Variants in CYP4A22 observed in about 807,000 individuals in gnomAD.
The protein encoded by CYP4A22 is cytochrome P450 4A22.
A neutral mutation model predicts 56.2 loss-of-function variants in CYP4A22; 46 were observed. That is an observed-to-expected ratio of 0.82 (90% CI 0.65 to 1.05). The LOEUF (loss-of-function observed/expected upper bound fraction) is 1.05. CYP4A22 is among the 50% of genes least tolerant of loss of function. The pLI is 0.00. For synonymous variants in CYP4A22, 193 were observed against 251.1 expected, an observed-to-expected ratio of 0.77 and a Z score of 2.19; for missense variants, 541 against 645.9, an observed-to-expected ratio of 0.84 and a Z score of 1.76.
Position 47,146,352 on chromosome 1 carries a change from A to T in CYP4A22, c.1364+199A>T, listed in dbSNP as rs1036645901. The T allele has an allele frequency of 2.8e-4, 401 of 1,445,364 alleles. 2 individuals are homozygous for T. Among genetic ancestry groups the T allele is most frequent in the Non-Finnish European group, 2.7e-4 (297 of 1,100,360 alleles). The allele number at this position is 1,445,364 out of a possible 1,614,324, so 89.5% of individuals were successfully genotyped here. A position where few individuals can be genotyped will look rare whatever the true frequency, so the allele number is the denominator to read the frequency against. On this transcript the variant is annotated intron_variant, in intron 11 of 11. Coordinates refer to ENST00000371891, the MANE Select transcript of CYP4A22 (RefSeq NM_001010969.4). ...GTGGCATTCAGAGCACCCCATGGAG[A>T]CTTTGCTCCCTCTGCTTCTTCAAAT...
At chr1:47,144,506 C>T in intron 7 of CYP4A22, 43 bp downstream of exon 7, 2 of 1,613,942 alleles carry the variant, frequency 1.2e-6, no homozygotes, top group African/African-American at 2.7e-5. Flanking sequence ...CCCAGAAGTA[C>T]ATAGCAAGAG....
rs1342478609 is a variant in CYP4A22 at position 47,146,879 on chromosome 1, C to A, written c.1364+726C>A. ...TGTAATCCACTTAGCACAATATTGG[C>A]CAAAAACATAAAAATGTGAACAGTA... On this transcript the variant is annotated intron_variant, in intron 11 of 11. Transcript: ENST00000371891. 3.0e-6 allele frequency: 3 copies of A among 985,304 alleles called. No homozygotes were observed. The African/African-American group carries it at 5.2e-5, about 17-fold the overall frequency. 61.0% of individuals were successfully genotyped at this position (985,304 alleles called of 1,614,324 possible). A position where few individuals can be genotyped will look rare whatever the true frequency, so the allele number is the denominator to read the frequency against.
chr1:47,145,773 T>C, intron 9 of CYP4A22, 93 bp from the exon 10 acceptor site: 1 of 1,533,958 alleles, frequency 6.5e-7, no homozygotes. Flanking sequence ...AGAAAGTAGG[T>C]GTTTTGGGCC....
chr1:47,147,100 C>A (rs1645084319), intron 11 of CYP4A22: 8 of 985,424 alleles, frequency 8.1e-6, no homozygotes, highest in Non-Finnish European at 9.6e-6. Flanking sequence ...GATAAAAATT[C>A]TTAGTAGAAA....
chr1:47,147,546 G>C (rs1645089429), intron 11 of CYP4A22: 2 of 674,394 alleles, frequency 3.0e-6, no homozygotes, highest in Admixed American at 1.3e-4. Flanking sequence ...CACTCACTGA[G>C]TGGCTTGTTG....
Position 47,148,861 on chromosome 1 carries a change from T to C in CYP4A22, c.*64T>C. On this transcript the variant is annotated 3_prime_UTR_variant, in exon 12 of 12. Coordinates refer to ENST00000371891, the MANE Select transcript of CYP4A22 (RefSeq NM_001010969.4). ...CCTATCTCCTGCCTGTCTGCCTCTG[T>C]CCTGCTTTCTGTCTGCCCACCTTCC... 6.6e-7 allele frequency: 1 copy of C among 1,519,484 alleles called. No homozygotes were observed. The allele number at this position is 1,519,484 out of a possible 1,614,324, so 94.1% of individuals were successfully genotyped here. A position where few individuals can be genotyped will look rare whatever the true frequency, so the allele number is the denominator to read the frequency against.
rs536116490 is a variant in CYP4A22 at position 47,143,887 on chromosome 1, G to A, written c.761G>A (p.Arg254His). 29 of 1,612,874 alleles carry A rather than the reference G, an allele frequency of 1.8e-5. No individual in the cohort carries two copies. Among genetic ancestry groups the A allele is most frequent in the East Asian group, 1.6e-4 (7 of 44,866 alleles). ...ACCTCTGCTGGCCGCTGGACACACC[G>A]CGCCTGCCAGCTGGCCCATCAGCAC... is the stretch of plus-strand genomic sequence containing the variant. Reference protein sequence around the residue: ...SLTSAGRWTHRACQLAHQHTD... With the variant: ...SLTSAGRWTHHACQLAHQHTD... The change falls in exon 6 of 12, where the codon CGC (arginine) becomes CAC (histidine). Residue 254 changes from arginine (R) to histidine (H), a missense_variant. Physicochemically the swap from Arg to His is conservative, Grantham distance 29 (BLOSUM62 0). Coordinates refer to ENST00000371891, the MANE Select transcript of CYP4A22 (RefSeq NM_001010969.4).
chr1:47,146,602 T>A (rs545479634), intron 11 of CYP4A22: 9 of 1,018,286 alleles, frequency 8.8e-6, no homozygotes, highest in Non-Finnish European at 1.1e-5. Flanking sequence ...TAGTCTGTCG[T>A]AGAGATGAAT....
At chr1:47,148,559 G>T (rs757790225) in intron 11 of CYP4A22, 43 bp from the exon 12 acceptor site, 1 of 1,567,342 alleles carries the variant, frequency 6.4e-7, no homozygotes, top group African/African-American at 1.4e-5. Flanking sequence ...ATCAGAATGG[G>T]GCCTGAGGAC....
rs1645037832 is a variant in CYP4A22, at chr1:47,143,548, C to G, written c.635+155C>G. On this transcript the variant is annotated intron_variant, in intron 5 of 11. Coordinates refer to ENST00000371891, the MANE Select transcript of CYP4A22 (RefSeq NM_001010969.4). ...AATTCCTGTCCAGACCAAACAAAGT[C>G]TCAGGAACAGATGCCTAATTCCTAG... 3.3e-5 allele frequency among the ~76,000 whole-genome samples: 5 copies of G among 152,328 alleles called. No individual in the cohort carries two copies. In the South Asian group the frequency reaches 1.0e-3, roughly 32 times the overall value.
intron 1 of CYP4A22, among the ~76,000 whole-genome samples, chr1:47,139,908 G>A (rs1191353078): frequency 6.6e-6 from 1 of 152,222 alleles, no homozygotes; most frequent in Non-Finnish European, 1.5e-5. Context: ...GGCATTCAAG[G>A]TAGAGAAAAG....
chr1:47,145,090 C>T, intron 9 of CYP4A22, 120 bp downstream of exon 9: 9 of 1,449,164 alleles, frequency 6.2e-6, no homozygotes, highest in African/African-American at 1.4e-5. Context: ...CTAAAAACAT[C>T]AAAAACATAC....
Position 47,145,931 on chromosome 1 carries a change from G to T in CYP4A22, c.1287+1G>T, listed in dbSNP as rs770526597. On this transcript the variant is annotated splice_donor_variant, in intron 10 of 11. Coordinates refer to ENST00000371891, the MANE Select transcript of CYP4A22 (RefSeq NM_001010969.4). LOFTEE classifies it high-confidence loss of function. ...CCCAAAAGTGTGGCCCAACCTAGAG[G>T]TATGTGGTCCTTGAGAGGAGGAAAT... 2 of 1,614,110 alleles carry T rather than the reference G, an allele frequency of 1.2e-6. No homozygotes were observed. Among genetic ancestry groups the T allele is most frequent in the Admixed American group, 3.3e-5 (2 of 60,022 alleles).
At chr1:47,143,954 G>A in intron 6 of CYP4A22, 38 bp downstream of exon 6, 2 of 1,581,082 alleles carry the variant, frequency 1.3e-6, no homozygotes, top group Non-Finnish European at 1.7e-6. Context: ...CCTTTCCCAG[G>A]CACAGTGAAA....
intron 11 of CYP4A22, chr1:47,146,489 C>G (rs965262757): frequency 8.7e-7 from 1 of 1,146,238 alleles, no homozygotes; most frequent in Non-Finnish European, 1.1e-6. Context: ...GTAAATTCAA[C>G]TTCAGCTGTT....
In CYP4A22 at chr1:47,149,045, G is replaced by A; in HGVS notation, c.*248G>A. 1 of 455,994 alleles carries A rather than the reference G, an allele frequency of 2.2e-6. No homozygotes were observed. Among genetic ancestry groups the A allele is most frequent in the South Asian group, 5.0e-5 (1 of 19,986 alleles). 28.2% of individuals were successfully genotyped at this position (455,994 alleles called of 1,614,324 possible). ...GGAGAAGCTGAGGCCGAGCTTGCATGTCTGACATAATGTAAAAGAGTCTTG... is the reference window on the plus strand; with the variant it reads ...GGAGAAGCTGAGGCCGAGCTTGCATATCTGACATAATGTAAAAGAGTCTTG... On this transcript the variant is annotated 3_prime_UTR_variant, in exon 12 of 12. Transcript: ENST00000371891.
intron 11 of CYP4A22, chr1:47,146,532 T>G: frequency 9.1e-7 from 1 of 1,102,130 alleles, no homozygotes; most frequent in Non-Finnish European, 1.1e-6. Context: ...TAGTAAACTG[T>G]AGATTTCTCT....
At position 47,140,874 on chromosome 1, in the gene CYP4A22, T is replaced by C. The variant is rs1186857512; in HGVS notation, c.290T>C (p.Val97Ala). The change falls in exon 2 of 12, where the codon GTC becomes GCC. Residue 97 changes from valine (V) to alanine (A), a missense_variant. Physicochemically the swap from Val to Ala is moderately conservative, Grantham distance 64 (BLOSUM62 0). Transcript: ENST00000371891. ...TGGATATGGGGAGGCAAAGTTCGTG[T>C]CCAGCTCTATGACCCTGACTATATG... ...PYWIWGGKVR[V>A]QLYDPDYMKV... 1 of 1,614,154 alleles carries C rather than the reference T, an allele frequency of 6.2e-7. No individual in the cohort carries two copies. The highest frequency in any genetic ancestry group is 8.5e-7 in the Non-Finnish European group (1 of 1,180,026).
At chr1:47,139,413 G>A (rs1644982263) in intron 1 of CYP4A22, among the ~76,000 whole-genome samples, 2 of 152,326 alleles carry the variant, frequency 1.3e-5, no homozygotes, top group Admixed American at 1.3e-4. Context: ...CTCAGTGAGT[G>A]AGGAAGAGCT....
Sources: allele counts gnomAD v4.1 joint callset (sites outside exome capture counted in the v4.1 genomes callset), GRCh38; gene constraint gnomAD v4.1.1; transcripts MANE v1.5; gene names NCBI Gene and HGNC (gene_info 2026-07-23, HGNC 2026-07-21).